Variants in SLF1 observed in about 807,000 individuals in gnomAD.
SLF1 encodes the protein SMC5-SMC6 complex localization factor protein 1.
Under a neutral mutation model 123.0 loss-of-function variants are expected in SLF1, and 105 were observed. The ratio of observed to expected loss-of-function variants is 0.85; its 90% CI spans 0.73 to 1.00. The LOEUF (loss-of-function observed/expected upper bound fraction) is 1.00. Among genes scored for constraint, SLF1 ranks in the 50% least tolerant of loss-of-function variants. The pLI, the probability that SLF1 is intolerant of heterozygous loss-of-function variation, is 0.00. For missense variants in SLF1, 1,239 were observed against 1,223.0 expected (o/e 1.01, Z -0.20); for synonymous variants, 434 against 406.6 (o/e 1.07, Z -0.81).
chr5:94,625,602 C>T (rs1792167570), intron 1 of SLF1, among the ~76,000 whole-genome samples: 1 of 151,932 alleles, frequency 6.6e-6, no homozygotes, highest in Non-Finnish European at 1.5e-5. Context: ...AGGCTGGTCT[C>T]GAACTCCTGA....
At position 94,630,522 on chromosome 5, in the gene SLF1, G is replaced by C. The variant is rs1177565102; in HGVS notation, c.210G>C (p.Lys70Asn). Reference sequence around the variant, plus strand: ...TTCTAGGAAAGTGGATACTAACCAAGGACTATATAATTCATAGTGCCAAAA... The same window carrying C: ...TTCTAGGAAAGTGGATACTAACCAACGACTATATAATTCATAGTGCCAAAA... Reference protein sequence around the residue: ...ACAAGKWILTKDYIIHSAKSG... With the variant: ...ACAAGKWILTNDYIIHSAKSG... The change falls in exon 4 of 21, where the codon AAG becomes AAC. Residue 70 changes from lysine to asparagine, a missense_variant. Lys to Asn is a moderately conservative substitution (Grantham distance 94, BLOSUM62 0). Transcript: ENST00000265140. 2 of 1,551,438 alleles carry C rather than the reference G, an allele frequency of 1.3e-6. No individual in the cohort carries two copies. Among genetic ancestry groups the C allele is most frequent in the Non-Finnish European group, 1.7e-6 (2 of 1,146,816 alleles).
chr5:94,648,907 A>G (rs918552566), intron 5 of SLF1, among the ~76,000 whole-genome samples: 1 of 152,224 alleles, frequency 6.6e-6, no homozygotes. Flanking sequence ...TAATTATTGG[A>G]AGTTGATTTA....
intron 1 of SLF1, among the ~76,000 whole-genome samples, chr5:94,628,342 T>C (rs1423879315): frequency 6.6e-6 from 1 of 151,782 alleles, no homozygotes. Flanking sequence ...TTTCACCATG[T>C]TGGCCAGGCT....
chr5:94,628,954 T>C, intron 2 of SLF1, 30 bp downstream of exon 2: 1 of 1,476,786 alleles, frequency 6.8e-7, no homozygotes, highest in Non-Finnish European at 9.1e-7. Context: ...GTTCAAGATA[T>C]ATTTGAAAAA....
At chr5:94,675,556 G>C (rs1444988473) in intron 14 of SLF1, among the ~76,000 whole-genome samples, 1 of 152,114 alleles carries the variant, frequency 6.6e-6, no homozygotes. Context: ...ATAGCACACT[G>C]TCTTGGCCCT....
At chr5:94,678,529 C>A in intron 14 of SLF1, 1 of 209,276 alleles carries the variant, frequency 4.8e-6, no homozygotes. Flanking sequence ...TATTTCCTAA[C>A]AAACTTGATG....
intron 18 of SLF1, 70 bp from the exon 19 acceptor site, chr5:94,691,494 T>C: frequency 8.1e-7 from 1 of 1,238,998 alleles, no homozygotes; most frequent in South Asian, 1.3e-5. Flanking sequence ...TCCTAGTTCA[T>C]GCCCTTTGAT....
At chr5:94,639,503 A>C (rs1746204899) in intron 4 of SLF1, among the ~76,000 whole-genome samples, 1 of 152,114 alleles carries the variant, frequency 6.6e-6, no homozygotes, top group South Asian at 2.1e-4. Context: ...CAAATGTCAA[A>C]CAGTATCTTT....
chr5:94,684,200 C>T (rs745924014), intron 15 of SLF1, among the ~76,000 whole-genome samples: 5 of 152,106 alleles, frequency 3.3e-5, no homozygotes, highest in Admixed American at 1.3e-4. Context: ...AGAGTTCTTA[C>T]GTTAAGAGAT....
intron 9 of SLF1, among the ~76,000 whole-genome samples, chr5:94,657,755 G>A (rs1346136309): frequency 2.0e-5 from 3 of 152,008 alleles, no homozygotes; most frequent in Non-Finnish European, 4.4e-5. Context: ...ATTTAGAATT[G>A]TTATATCTTC....
intron 1 of SLF1, among the ~76,000 whole-genome samples, chr5:94,626,245 T>G (rs1021315548): frequency 2.1e-5 from 3 of 140,066 alleles, no homozygotes; most frequent in African/African-American, 8.1e-5. Flanking sequence ...AGAGTGAGAC[T>G]CCATCTCAAA....
rs544644525 is a variant in SLF1, at chr5:94,624,939, C to G, written c.1-3872C>G. ...GGGTGGCTCATGCCTGTAATCCCAG[C>G]GCTTTGGGAGGCCGAGGCAGGCGGA... On this transcript the variant is annotated intron_variant, in intron 1 of 20. Transcript: ENST00000265140. Among the ~76,000 whole-genome samples, 5 of 151,644 alleles carry G rather than the reference C, an allele frequency of 3.3e-5. No individual in the cohort carries two copies. The East Asian group carries it at 9.7e-4, about 29-fold the overall frequency.
At chr5:94,665,802 G>A in intron 11 of SLF1, 59 bp from the exon 12 acceptor site, 1 of 1,419,762 alleles carries the variant, frequency 7.0e-7, no homozygotes, top group Middle Eastern at 1.8e-4. Flanking sequence ...GACTGAATTA[G>A]AGAGTCAAAC....
intron 9 of SLF1, 87 bp from the exon 10 acceptor site, chr5:94,662,211 T>C: frequency 8.8e-7 from 1 of 1,137,526 alleles, no homozygotes; most frequent in Non-Finnish European, 1.2e-6. Context: ...GGATCTGTTT[T>C]ATATGTTTTT....
intron 9 of SLF1, among the ~76,000 whole-genome samples, chr5:94,662,054 C>A (rs1404219128): frequency 6.6e-6 from 1 of 152,068 alleles, no homozygotes. Flanking sequence ...CTCTTCAGAT[C>A]TTCAAAGCGA....
At chr5:94,648,818 G>C (rs1032734400) in intron 5 of SLF1, among the ~76,000 whole-genome samples, 5 of 152,174 alleles carry the variant, frequency 3.3e-5, no homozygotes, top group African/African-American at 1.2e-4. Context: ...GAACTGTCAT[G>C]AACTTTTACT....
intron 5 of SLF1, among the ~76,000 whole-genome samples, chr5:94,644,715 C>T (rs1746817312): frequency 6.6e-6 from 1 of 152,204 alleles, no homozygotes; most frequent in African/African-American, 2.4e-5. Flanking sequence ...GATCCCCTTA[C>T]TCAGTGAGGT....
intron 20 of SLF1, 150 bp from the exon 21 acceptor site, chr5:94,694,681 T>C: frequency 9.8e-7 from 1 of 1,019,634 alleles, no homozygotes; most frequent in East Asian, 2.7e-5. Context: ...TTCGTCTATA[T>C]ATATAGTCAG....
intron 16 of SLF1, 76 bp from the exon 17 acceptor site, chr5:94,688,430 G>A: frequency 6.9e-7 from 1 of 1,445,292 alleles, no homozygotes; most frequent in Non-Finnish European, 9.6e-7. Flanking sequence ...AAATGTAATA[G>A]TGAAATGAAT....
Sources: allele counts gnomAD v4.1 joint callset (sites outside exome capture counted in the v4.1 genomes callset), GRCh38; gene constraint gnomAD v4.1.1; transcripts MANE v1.5; gene names NCBI Gene and HGNC (gene_info 2026-07-23, HGNC 2026-07-21).